CSMD1: variants seen among roughly 807,000 people sequenced by gnomAD.
CSMD1 encodes CUB and sushi domain-containing protein 1.
A neutral mutation model predicts 417.5 loss-of-function variants in CSMD1; 213 were observed. The ratio of observed to expected loss-of-function variants is 0.51; its 90% confidence interval spans 0.46 to 0.57. The LOEUF (loss-of-function observed/expected upper bound fraction) is 0.57, where lower values mean the gene tolerates loss of function less well. Ranked by LOEUF, CSMD1 falls within the 20% of genes least tolerant of loss-of-function variation. The pLI is 0.00. For missense variants in CSMD1, 6,923 were observed against 4,529.7 expected (o/e 1.53, Z -15.17); for synonymous variants, 2,862 against 1,736.8 (o/e 1.65, Z -16.11).
chr8:4,480,387 G>A (rs537938072), intron 2 of CSMD1, among the ~76,000 whole-genome samples: 1 of 152,226 alleles, frequency 6.6e-6, no homozygotes, highest in East Asian at 1.9e-4. Flanking sequence ...GAATATTTGA[G>A]CCTTAATTTA....
chr8:4,947,665 G>A (rs1464223402), intron 1 of CSMD1, among the ~76,000 whole-genome samples: 1 of 152,088 alleles, frequency 6.6e-6, no homozygotes, highest in Admixed American at 6.5e-5. Context: ...ATTTTGGGTT[G>A]ATCATTCTTG....
At chr8:3,263,297 C>G (rs993099887) in intron 26 of CSMD1, among the ~76,000 whole-genome samples, 9 of 152,146 alleles carry the variant, frequency 5.9e-5, no homozygotes, top group Non-Finnish European at 1.0e-4. Flanking sequence ...TGGGGTTTCA[C>G]CATGTTGGCC....
intron 17 of CSMD1, among the ~76,000 whole-genome samples, chr8:3,393,754 C>T (rs1224495990): frequency 6.6e-6 from 1 of 151,524 alleles, no homozygotes; most frequent in African/African-American, 2.4e-5. Context: ...AAACCAAACA[C>T]CACATGTTCT....
chr8:3,450,391 A>G (rs1479272273), intron 12 of CSMD1, among the ~76,000 whole-genome samples: 1 of 151,764 alleles, frequency 6.6e-6, no homozygotes, highest in Non-Finnish European at 1.5e-5. Flanking sequence ...TACATGTGCC[A>G]TGTTGGTGTG....
intron 1 of CSMD1, among the ~76,000 whole-genome samples, chr8:4,690,992 G>A (rs1290744789): frequency 6.6e-6 from 1 of 152,192 alleles, no homozygotes; most frequent in African/African-American, 2.4e-5. Flanking sequence ...CTCCCAAAGT[G>A]CTGGGATTAC....
chr8:4,351,475 A>G (rs145144846), intron 3 of CSMD1, among the ~76,000 whole-genome samples: 9 of 152,362 alleles, frequency 5.9e-5, no homozygotes, highest in Non-Finnish European at 1.3e-4. Context: ...CATAGCTATT[A>G]CTGTGCCAAA....
At chr8:4,857,641 C>T (rs201963793) in intron 1 of CSMD1, among the ~76,000 whole-genome samples, 18 of 152,146 alleles carry the variant, frequency 1.2e-4, no homozygotes, top group South Asian at 2.1e-4. Context: ...AACACCTCTA[C>T]GCAAATAAAC....
chr8:3,081,502 AAAATAATT>A (rs1338014282), intron 49 of CSMD1, among the ~76,000 whole-genome samples: 2 of 152,216 alleles, frequency 1.3e-5, no homozygotes, highest in African/African-American at 4.8e-5. Flanking sequence ...ATTTTCAAAT[AAAATAATT>A]AAATAACTAT....
At chr8:3,599,618 T>C (rs1454249594) in intron 8 of CSMD1, among the ~76,000 whole-genome samples, 1 of 152,240 alleles carries the variant, frequency 6.6e-6, no homozygotes. Flanking sequence ...CACTTCATGC[T>C]ATACATCAGA....
intron 6 of CSMD1, among the ~76,000 whole-genome samples, chr8:3,722,982 CA>C (rs1337750302): frequency 6.6e-6 from 1 of 152,188 alleles, no homozygotes; most frequent in Non-Finnish European, 1.5e-5. Context: ...AGCATTTTAT[CA>C]TTTCCCAATT....
At position 3,110,319 on chromosome 8, in the gene CSMD1, G is replaced by C. The variant is rs753995950; in HGVS notation, c.6447C>G (p.Asn2149Lys). ...AGATGGTGCCGTTCTGAGAAGTTAC[G>C]TTGTACCCACAAGGGGCTGCAAAGG... Reference protein sequence around the residue: ...FPRCDAPCGYNVTSQNGTIYS... With the variant: ...FPRCDAPCGYKVTSQNGTIYS... The change falls in exon 43 of 70, where the codon AAC becomes AAG. Residue 2149 changes from asparagine to lysine, a missense_variant. Transcript: ENST00000635120. 10 of 1,610,576 alleles carry C rather than the reference G, an allele frequency of 6.2e-6. No individual in the cohort carries two copies. The highest frequency in any genetic ancestry group is 3.4e-5 in the Admixed American group (2 of 59,486).
At chr8:4,742,366 G>A (rs549341229) in intron 1 of CSMD1, among the ~76,000 whole-genome samples, 18 of 151,820 alleles carry the variant, frequency 1.2e-4, no homozygotes, top group East Asian at 3.9e-4. Context: ...CTAAGCCACC[G>A]ACTGTATCAT....
Position 3,443,813 on chromosome 8 carries a change from C to T in CSMD1, c.1561+24899G>A, listed in dbSNP as rs1173582254. On this transcript the variant is annotated intron_variant, in intron 12 of 69. Transcript: ENST00000635120. Reference sequence around the variant, plus strand: ...TGAAGTGTAAACATGAATGCAAAACCATTTTAGATTGTTTTCAGCACTACT... The same window carrying T: ...TGAAGTGTAAACATGAATGCAAAACTATTTTAGATTGTTTTCAGCACTACT... Among the ~76,000 whole-genome samples, 3 of 152,048 alleles carry T rather than the reference C, an allele frequency of 2.0e-5. 1 individual carries two copies. Among genetic ancestry groups the T allele is most frequent in the Admixed American group, 2.0e-4 (3 of 15,250 alleles).
intron 3 of CSMD1, among the ~76,000 whole-genome samples, chr8:4,151,048 GA>G (rs1275596896): frequency 2.6e-5 from 4 of 152,108 alleles, no homozygotes; most frequent in Admixed American, 2.0e-4. Context: ...TAAAACGGTT[GA>G]GGAGCCTACA....
intron 3 of CSMD1, among the ~76,000 whole-genome samples, chr8:4,316,690 C>T (rs1798956573): frequency 6.6e-6 from 1 of 151,944 alleles, no homozygotes; most frequent in Non-Finnish European, 1.5e-5. Flanking sequence ...AAGGGGGGGG[C>T]TTCCTTTATG....
intron 1 of CSMD1, among the ~76,000 whole-genome samples, chr8:4,992,193 C>A (rs368367419): frequency 2.1e-4 from 32 of 152,294 alleles, no homozygotes; most frequent in African/African-American, 7.2e-4. Flanking sequence ...TCCAGAGCAG[C>A]CCCCGCCCAC....
At chr8:3,556,709 T>C (rs1799171265) in intron 10 of CSMD1, among the ~76,000 whole-genome samples, 2 of 151,992 alleles carry the variant, frequency 1.3e-5, no homozygotes, top group African/African-American at 4.8e-5. Flanking sequence ...ATGAAAAGTA[T>C]GACTTAACAT....
intron 54 of CSMD1, among the ~76,000 whole-genome samples, chr8:2,988,255 C>G (rs578035687): frequency 6.6e-6 from 1 of 152,092 alleles, no homozygotes. Context: ...ATTCACTAAC[C>G]CCATATTTTC....
At chr8:3,460,575 G>A (rs1368357383) in intron 12 of CSMD1, among the ~76,000 whole-genome samples, 15 of 152,100 alleles carry the variant, frequency 9.9e-5, no homozygotes, top group Admixed American at 9.8e-4. Flanking sequence ...GCCTAGAGGG[G>A]ACACTGTGGA....
Sources: allele counts gnomAD v4.1 joint callset (sites outside exome capture counted in the v4.1 genomes callset), GRCh38; gene constraint gnomAD v4.1.1; transcripts MANE v1.5; gene names NCBI Gene and HGNC (gene_info 2026-07-23, HGNC 2026-07-21).